The following MEAK7 variants were observed in gnomAD, a reference collection of about 807,000 sequenced individuals.
The protein encoded by MEAK7 is MTOR associated protein MEAK7.
Under a neutral mutation model 40.5 loss-of-function variants are expected in MEAK7, and 68 were observed. The observed-to-expected ratio is 1.68, with a 90% CI of 1.38 to 2.06. The LOEUF (loss-of-function observed/expected upper bound fraction) is 2.06. Among genes scored for constraint, MEAK7 ranks in the 30% most tolerant of loss-of-function variants. The pLI is 0.00. For synonymous variants in MEAK7, 338 were observed against 231.9 expected, an observed-to-expected ratio of 1.46 and a Z score of -4.16; for missense variants, 918 against 580.5, an observed-to-expected ratio of 1.58 and a Z score of -5.98.
chr16:84,497,243 TC>T, intron 2 of MEAK7: 1 of 385,850 alleles, frequency 2.6e-6, no homozygotes, highest in Non-Finnish European at 4.7e-6. Context: ...TGACGGCATC[TC>T]CTTGTCAGTG....
chr16:84,489,482 T>G, intron 3 of MEAK7, 60 bp from the exon 4 acceptor site: 1 of 1,520,344 alleles, frequency 6.6e-7, no homozygotes, highest in Non-Finnish European at 8.8e-7. Context: ...ACCTATGTCA[T>G]GCCCACATGG....
chr16:84,500,276 C>A (rs1231101280), intron 1 of MEAK7, among the ~76,000 whole-genome samples: 1 of 152,188 alleles, frequency 6.6e-6, no homozygotes, highest in African/African-American at 2.4e-5. Flanking sequence ...CAATGAACAT[C>A]TGAGTACCTG....
intron 2 of MEAK7, chr16:84,497,645 T>C: frequency 7.1e-7 from 1 of 1,407,422 alleles, no homozygotes; most frequent in Non-Finnish European, 9.4e-7. Flanking sequence ...TCCAGGTTCC[T>C]TTCTGTAGTA....
At chr16:84,481,655 T>C (rs916538057) in intron 6 of MEAK7, among the ~76,000 whole-genome samples, 1 of 152,146 alleles carries the variant, frequency 6.6e-6, no homozygotes, top group Non-Finnish European at 1.5e-5. Context: ...TTCTGTCAGC[T>C]GGGCGCAGTG....
At chr16:84,483,686 A>G (rs1912778537) in intron 5 of MEAK7, among the ~76,000 whole-genome samples, 1 of 152,180 alleles carries the variant, frequency 6.6e-6, no homozygotes, top group South Asian at 2.1e-4. Context: ...CCAAGGCTCC[A>G]ATCTAGAAAG....
intron 3 of MEAK7, among the ~76,000 whole-genome samples, chr16:84,493,132 T>G (rs965622999): frequency 6.6e-6 from 1 of 152,222 alleles, no homozygotes; most frequent in Non-Finnish European, 1.5e-5. Context: ...ATGAGATTCC[T>G]GTGATTCTGA....
At position 84,489,204 on chromosome 16, in the gene MEAK7, C is replaced by A. The variant is rs551770865; in HGVS notation, c.529+74G>T. ...ATTCTGGTTTCAAAGCTTTACTACA[C>A]AGCTACAGTAATGGAGACAGCAGGT... On this transcript the variant is annotated intron_variant, in intron 4 of 7. Coordinates refer to ENST00000343629, the MANE Select transcript of MEAK7 (RefSeq NM_020947.4). 205 of 1,532,556 alleles carry A rather than the reference C, an allele frequency of 1.3e-4. 1 individual carries two copies. Among genetic ancestry groups the A allele is most frequent in the Admixed American group, 1.8e-4 (9 of 50,294 alleles). The allele number at this position is 1,532,556 out of a possible 1,614,324, so 94.9% of individuals were successfully genotyped here.
chr16:84,480,255 C>T (rs1249976919), intron 7 of MEAK7, among the ~76,000 whole-genome samples: 1 of 152,124 alleles, frequency 6.6e-6, no homozygotes. Flanking sequence ...CTAGACATTC[C>T]TCCTCTTGCA....
In MEAK7 at chr16:84,504,264, C is replaced by G. The variant is rs143324867; in HGVS notation, c.-26+337G>C. 2.3e-3 allele frequency: 1,401 copies of G among 601,024 alleles called. 5 individuals carry two copies. Among genetic ancestry groups the G allele is most frequent in the Middle Eastern group, 3.3e-3 (4 of 1,208 alleles). 37.2% of individuals were successfully genotyped at this position (601,024 alleles called of 1,614,324 possible). Reference sequence around the variant, plus strand: ...TGGAGGCACCCCTCCCTTTCCGCGTCTACACAGGCTCTGAATCCCCCTTCA... The same window carrying G: ...TGGAGGCACCCCTCCCTTTCCGCGTGTACACAGGCTCTGAATCCCCCTTCA... On this transcript the variant is annotated intron_variant, in intron 1 of 7. Transcript: ENST00000343629.
chr16:84,496,274 T>C (rs1914043189), intron 2 of MEAK7, among the ~76,000 whole-genome samples: 1 of 152,162 alleles, frequency 6.6e-6, no homozygotes, highest in Admixed American at 6.5e-5. Context: ...GGGCCAGCTT[T>C]TTCATGGGCT....
At chr16:84,481,382 G>C (rs1359212456) in intron 6 of MEAK7, among the ~76,000 whole-genome samples, 1 of 152,216 alleles carries the variant, frequency 6.6e-6, no homozygotes, top group African/African-American at 2.4e-5. Context: ...GAGTTGACAC[G>C]CGGAGCCGCT....
intron 3 of MEAK7, among the ~76,000 whole-genome samples, chr16:84,490,844 G>A (rs1054260937): frequency 2.0e-5 from 3 of 151,938 alleles, no homozygotes; most frequent in Non-Finnish European, 4.4e-5. Context: ...CTGTATGAAG[G>A]ACCTAAAATA....
intron 5 of MEAK7, among the ~76,000 whole-genome samples, chr16:84,485,253 G>A (rs1912932503): frequency 6.6e-6 from 1 of 152,156 alleles, no homozygotes. Context: ...ACTTTGATTT[G>A]GGGAGAATTC....
chr16:84,488,325 T>C (rs1355240782), intron 4 of MEAK7: 1 of 152,164 alleles, frequency 6.6e-6, no homozygotes, highest in African/African-American at 2.4e-5. Flanking sequence ...ACTTCTGAAA[T>C]ATAACCTATT....
At chr16:84,483,043 T>C (rs533477354) in intron 5 of MEAK7, among the ~76,000 whole-genome samples, 1 of 152,296 alleles carries the variant, frequency 6.6e-6, no homozygotes, top group East Asian at 1.9e-4. Flanking sequence ...TTCCTTTAGC[T>C]TATGAGCACG....
chr16:84,482,455 G>A (rs891016838), intron 6 of MEAK7, 137 bp downstream of exon 6: 21 of 1,422,340 alleles, frequency 1.5e-5, no homozygotes, highest in African/African-American at 7.1e-5. Context: ...CCTGGAAACA[G>A]AAGGAACTGG....
chr16:84,497,940 T>C lies in MEAK7; in HGVS notation c.147A>G (p.Ala49=), dbSNP rs764055686. Residue 49 remains alanine (A), a synonymous_variant, in exon 2 of 8, where the codon GCA becomes GCG. Transcript: ENST00000343629. ...NVSSKSFSLK[A]LQNHVGEALP... is the part of the protein sequence containing the mutation. ...CACGGGTTGTTACTCTTGCCTGTAG[T>C]GCCTTCAGAGAGAAGGATTTGGATG... is the stretch of plus-strand genomic sequence containing the variant. 1.3e-5 allele frequency: 21 copies of C among 1,614,076 alleles called. 1 individual carries two copies. In the South Asian group the frequency reaches 2.3e-4, roughly 18 times the overall value.
At chr16:84,484,233 G>C (rs1597928119) in intron 5 of MEAK7, among the ~76,000 whole-genome samples, 1 of 152,306 alleles carries the variant, frequency 6.6e-6, no homozygotes, top group South Asian at 2.1e-4. Flanking sequence ...ATCATTCCCA[G>C]AATACAGGGC....
intron 1 of MEAK7, among the ~76,000 whole-genome samples, chr16:84,499,639 T>C (rs1720339575): frequency 6.6e-6 from 1 of 152,196 alleles, no homozygotes; most frequent in African/African-American, 2.4e-5. Context: ...GAGAAAACCC[T>C]GTACACGAGC....
Sources: allele counts gnomAD v4.1 joint callset (sites outside exome capture counted in the v4.1 genomes callset), GRCh38; gene constraint gnomAD v4.1.1; transcripts MANE v1.5; gene names NCBI Gene and HGNC (gene_info 2026-07-23, HGNC 2026-07-21).